CACNA1E: variants seen among roughly 807,000 people sequenced by gnomAD.
CACNA1E encodes the protein calcium voltage-gated channel subunit alpha1 E, also known as voltage-dependent R-type calcium channel subunit alpha-1E.
CACNA1E carries 40 observed loss-of-function variants against 259.2 expected under a neutral mutation model. The observed-to-expected ratio is 0.15, with a 90% CI of 0.12 to 0.20. The LOEUF is 0.20. CACNA1E is among the 10% of genes least tolerant of loss of function. The pLI, the probability that CACNA1E is intolerant of heterozygous loss-of-function variation, is 1.00. For synonymous variants in CACNA1E, 1,104 were observed against 1,138.5 expected (o/e 0.97, Z 0.61); for missense variants, 1,874 against 3,040.1 (o/e 0.62, Z 9.02).
intron 34 of CACNA1E, among the ~76,000 whole-genome samples, chr1:181,765,758 A>G (rs949583915): frequency 6.6e-6 from 1 of 152,098 alleles, no homozygotes; most frequent in African/African-American, 2.4e-5. Flanking sequence ...ATCAACGCAA[A>G]ATTACAGTGT....
chr1:181,444,599 G>A (rs1468043888), intron 2 of CACNA1E, among the ~76,000 whole-genome samples: 1 of 152,156 alleles, frequency 6.6e-6, no homozygotes, highest in African/African-American at 2.4e-5. Flanking sequence ...TGAGATGGGT[G>A]AGAAGAAGAA....
rs1035216209 is a variant in CACNA1E, at chr1:181,798,014, A to G, written c.6400-278A>G. On this transcript the variant is annotated intron_variant, in intron 47 of 47. Transcript: ENST00000367573. The surrounding 1 kb of genome is among the most constrained non-coding windows in gnomAD (Gnocchi z 4.2). The stretch of plus-strand genomic sequence containing the variant: ...CCTGGAAGCTTGTTAGAAATGCAAA[A>G]TCTCAGTCCTTGCCCCAGATCTTCT... Among the ~76,000 whole-genome samples the G allele has an allele frequency of 1.2e-4, 18 of 152,134 alleles. No homozygotes were observed. Among genetic ancestry groups the G allele is most frequent in the African/African-American group, 4.1e-4 (17 of 41,422 alleles).
At chr1:181,674,394 C>CAAAAAAAA (rs10711497) in intron 7 of CACNA1E, among the ~76,000 whole-genome samples, 1 of 43,586 alleles carries the variant, frequency 2.3e-5, no homozygotes, top group Non-Finnish European at 4.2e-5. Flanking sequence ...GACTCCATCT[C>CAAAAAAAA]AAAAAAAAAA....
chr1:181,353,328 C>G (rs375754825), intron 1 of CACNA1E, among the ~76,000 whole-genome samples: 1 of 152,164 alleles, frequency 6.6e-6, no homozygotes, highest in East Asian at 1.9e-4. Flanking sequence ...GAGAAACAGA[C>G]AAGTGATAGG....
intron 1 of CACNA1E, among the ~76,000 whole-genome samples, chr1:181,382,010 A>G (rs1311084730): frequency 2.0e-5 from 3 of 152,212 alleles, no homozygotes; most frequent in African/African-American, 7.2e-5. Flanking sequence ...AGGAGAGTAG[A>G]TGAGATCTCT....
chr1:181,716,871 G>T (rs1035000338), intron 10 of CACNA1E, among the ~76,000 whole-genome samples: 6 of 152,174 alleles, frequency 3.9e-5, no homozygotes, highest in Non-Finnish European at 7.3e-5. Flanking sequence ...TGTCCTGTCT[G>T]GGGAATCTTT....
intron 1 of CACNA1E, among the ~76,000 whole-genome samples, chr1:181,499,330 A>T (rs1331247176): frequency 6.6e-6 from 1 of 152,244 alleles, no homozygotes; most frequent in African/African-American, 2.4e-5. Context: ...AAAGATCTTT[A>T]GATCCCTTTC....
intron 7 of CACNA1E, among the ~76,000 whole-genome samples, chr1:181,663,942 C>T (rs2102152013): frequency 6.6e-6 from 1 of 152,280 alleles, no homozygotes; most frequent in East Asian, 1.9e-4. Flanking sequence ...AGAATAATCA[C>T]TTCTAAAGGA....
intron 7 of CACNA1E, among the ~76,000 whole-genome samples, chr1:181,662,887 C>T (rs1484690528): frequency 6.6e-6 from 1 of 152,224 alleles, no homozygotes; most frequent in African/African-American, 2.4e-5. Context: ...AGACACTCCA[C>T]CATTTGAAGT....
chr1:181,788,541 C>T (rs988874334), intron 43 of CACNA1E, among the ~76,000 whole-genome samples: 1 of 152,134 alleles, frequency 6.6e-6, no homozygotes, highest in Non-Finnish European at 1.5e-5. Flanking sequence ...GAGAAGTGTT[C>T]TGCACTCTTA....
At chr1:181,735,119 C>T (rs1655915087) in intron 21 of CACNA1E, among the ~76,000 whole-genome samples, 1 of 152,202 alleles carries the variant, frequency 6.6e-6, no homozygotes, top group South Asian at 2.1e-4. Context: ...CTATAGTCAA[C>T]GTGCCACTGC....
chr1:181,442,166 G>T (rs1163981948), intron 2 of CACNA1E, among the ~76,000 whole-genome samples: 2 of 150,826 alleles, frequency 1.3e-5, no homozygotes, highest in African/African-American at 4.9e-5. Flanking sequence ...GGTGTGAAGG[G>T]CACAGGTATG....
At chr1:181,552,126 C>T (rs898011732) in intron 3 of CACNA1E, among the ~76,000 whole-genome samples, 1 of 152,170 alleles carries the variant, frequency 6.6e-6, no homozygotes, top group Non-Finnish European at 1.5e-5. Flanking sequence ...AAATATAACA[C>T]CCAGAATGAA....
intron 7 of CACNA1E, among the ~76,000 whole-genome samples, chr1:181,689,380 A>G (rs1650911726): frequency 6.6e-6 from 1 of 152,194 alleles, no homozygotes; most frequent in African/African-American, 2.4e-5. Flanking sequence ...CCAGTCTATC[A>G]TTGATGGGCA....
At chr1:181,355,880 C>G (rs1653393474) in intron 1 of CACNA1E, among the ~76,000 whole-genome samples, 1 of 152,112 alleles carries the variant, frequency 6.6e-6, no homozygotes, top group South Asian at 2.1e-4. Flanking sequence ...GACTGTGCAG[C>G]AAACCAATGG....
intron 7 of CACNA1E, among the ~76,000 whole-genome samples, chr1:181,700,280 A>C (rs1004891858): frequency 2.0e-5 from 3 of 152,194 alleles, no homozygotes; most frequent in African/African-American, 7.2e-5. Flanking sequence ...CTGGACCCAC[A>C]CAGCTTCAGG....
At chr1:181,397,908 C>T (rs910622222) in intron 1 of CACNA1E, among the ~76,000 whole-genome samples, 1 of 152,268 alleles carries the variant, frequency 6.6e-6, no homozygotes, top group African/African-American at 2.4e-5. Context: ...GGACACTCTC[C>T]TAGCAACTGT....
At position 181,778,892 on chromosome 1, in the gene CACNA1E, T is replaced by C. The variant is rs903220801; in HGVS notation, c.5268-2535T>C. Among the ~76,000 whole-genome samples the C allele has an allele frequency of 2.6e-5, 4 of 152,198 alleles. No homozygotes were observed. The East Asian group carries it at 7.7e-4, about 29-fold the overall frequency. On this transcript the variant is annotated intron_variant, in intron 38 of 47. Coordinates refer to ENST00000367573, the MANE Select transcript of CACNA1E (RefSeq NM_001205293.3). The stretch of plus-strand genomic sequence containing the variant: ...CAAAGAGAAACAAAGCCCTTTGTGA[T>C]TTCCCTCATGCCAACTGTGCTCCTT...
chr1:181,591,478 A>C (rs1235016329), intron 6 of CACNA1E, among the ~76,000 whole-genome samples: 4 of 152,216 alleles, frequency 2.6e-5, no homozygotes, highest in Non-Finnish European at 5.9e-5. Context: ...ATAGTCATCT[A>C]TAACCCTGGT....
Sources: gnomAD v4.1 joint callset for allele counts (sites outside exome capture counted in the v4.1 genomes callset) on GRCh38, gnomAD v4.1.1 for gene constraint, Gnocchi (gnomAD v3.1) non-coding constraint, MANE v1.5 for transcripts, NCBI Gene and HGNC (gene_info 2026-07-23, HGNC 2026-07-21) for gene names.